The following CTNNA3 variants were observed in gnomAD, a reference collection of about 807,000 sequenced individuals.
CTNNA3 encodes the protein catenin alpha-3.
CTNNA3 carries 76 observed loss-of-function variants against 95.7 expected under a neutral mutation model. That is an observed-to-expected ratio of 0.79 (90% CI 0.66 to 0.96). The LOEUF (loss-of-function observed/expected upper bound fraction) is 0.96. Ranked by LOEUF, CTNNA3 falls within the 40% of genes least tolerant of loss-of-function variation. CTNNA3 has a pLI of 0.00. For missense variants in CTNNA3, 1,191 were observed against 1,089.8 expected (o/e 1.09, Z -1.31); for synonymous variants, 431 against 374.4 (o/e 1.15, Z -1.74).
chr10:66,355,220 C>T (rs1285688074), intron 12 of CTNNA3, among the ~76,000 whole-genome samples: 1 of 152,100 alleles, frequency 6.6e-6, no homozygotes, highest in Non-Finnish European at 1.5e-5. Flanking sequence ...TTTAAAGGTA[C>T]TCTGTGGCCT....
At chr10:66,904,202 C>T (rs1845884916) in intron 7 of CTNNA3, among the ~76,000 whole-genome samples, 1 of 152,088 alleles carries the variant, frequency 6.6e-6, no homozygotes, top group Non-Finnish European at 1.5e-5. Flanking sequence ...GAACAGAGGC[C>T]TGAGAAATAA....
chr10:66,525,104 A>C (rs575980957), intron 10 of CTNNA3, among the ~76,000 whole-genome samples: 2 of 152,078 alleles, frequency 1.3e-5, no homozygotes, highest in South Asian at 4.2e-4. Flanking sequence ...AACAGGCAAA[A>C]GCAAAGTGTG....
chr10:66,622,762 C>T (rs898650446), intron 9 of CTNNA3, among the ~76,000 whole-genome samples: 2 of 152,042 alleles, frequency 1.3e-5, no homozygotes, highest in Admixed American at 1.3e-4. Context: ...CATCCAGTTG[C>T]GGAGAAACTA....
At position 66,469,842 on chromosome 10, in the gene CTNNA3, T is replaced by C. The variant is rs149895431; in HGVS notation, c.1531+50775A>G. On this transcript the variant is annotated intron_variant, in intron 11 of 17. Transcript: ENST00000433211. ...GATGAGTTTAAAAGCAGGGTAGCACTGAATGGAGGCAGATACGAGACTTAA... is the reference window on the plus strand; with the variant it reads ...GATGAGTTTAAAAGCAGGGTAGCACCGAATGGAGGCAGATACGAGACTTAA... 3.4e-3 allele frequency among the ~76,000 whole-genome samples: 509 copies of C among 151,876 alleles called. 2 individuals carry two copies. Among genetic ancestry groups the C allele is most frequent in the Non-Finnish European group, 6.1e-3 (415 of 67,844 alleles).
chr10:65,945,508 T>C (rs1249736475), intron 17 of CTNNA3, among the ~76,000 whole-genome samples: 2 of 152,104 alleles, frequency 1.3e-5, no homozygotes, highest in Non-Finnish European at 2.9e-5. Context: ...ATGAAGATGA[T>C]TCTGGTGTAC....
chr10:66,895,054 C>CAAAAAAAAAAAAAAAAAAAAAAA (rs537843933), intron 7 of CTNNA3, among the ~76,000 whole-genome samples: 2 of 115,588 alleles, frequency 1.7e-5, no homozygotes, highest in Non-Finnish European at 3.4e-5. Flanking sequence ...AACAAATAAA[C>CAAAAAAAAAAAAAAAAAAAAAAA]AAAAAAAAAA....
chr10:66,770,284 C>T (rs4554778), intron 8 of CTNNA3, among the ~76,000 whole-genome samples: 129,405 of 152,228 alleles, frequency 0.85, 55,300 homozygotes, highest in East Asian at 1. Flanking sequence ...CTACATATAA[C>T]AGCAAAGTAG....
intron 9 of CTNNA3, among the ~76,000 whole-genome samples, chr10:66,758,039 CTTTTT>C (rs1024605795): frequency 9.2e-5 from 14 of 152,086 alleles, no homozygotes; most frequent in East Asian, 1.9e-4. Flanking sequence ...CTTTTCTTTT[CTTTTT>C]ATTATTTTTA....
chr10:66,942,398 G>C (rs1319479714), intron 7 of CTNNA3, among the ~76,000 whole-genome samples: 1 of 152,108 alleles, frequency 6.6e-6, no homozygotes, highest in Admixed American at 6.6e-5. Context: ...GTATTCTTCT[G>C]TAACAATGTT....
chr10:67,064,158 A>G (rs1473989760), intron 7 of CTNNA3, among the ~76,000 whole-genome samples: 1 of 152,168 alleles, frequency 6.6e-6, no homozygotes, highest in Non-Finnish European at 1.5e-5. Flanking sequence ...GAATATGATA[A>G]CTACTTATCT....
At chr10:66,606,268 C>A (rs960860887) in intron 10 of CTNNA3, among the ~76,000 whole-genome samples, 11 of 152,092 alleles carry the variant, frequency 7.2e-5, no homozygotes, top group African/African-American at 2.4e-4. Flanking sequence ...TCCAGATTCA[C>A]AAAAGAAAGT....
chr10:66,675,221 G>A (rs985606235), intron 9 of CTNNA3, among the ~76,000 whole-genome samples: 9 of 151,834 alleles, frequency 5.9e-5, no homozygotes, highest in African/African-American at 1.9e-4. Context: ...GATTAAACCC[G>A]ATCCATCTGC....
chr10:66,694,874 A>T (rs1847699074), intron 9 of CTNNA3, among the ~76,000 whole-genome samples: 1 of 152,124 alleles, frequency 6.6e-6, no homozygotes, highest in Non-Finnish European at 1.5e-5. Context: ...TAAATTTGGT[A>T]TTTCCTCTTG....
intron 1 of CTNNA3, among the ~76,000 whole-genome samples, chr10:67,741,726 G>C (rs916877609): frequency 5.3e-5 from 8 of 151,262 alleles, no homozygotes; most frequent in Admixed American, 2.6e-4. Flanking sequence ...TGGATAAAGA[G>C]TCAAGACCCA....
intron 12 of CTNNA3, among the ~76,000 whole-genome samples, chr10:66,315,692 AT>A (rs1404447043): frequency 6.6e-6 from 1 of 152,106 alleles, no homozygotes; most frequent in Non-Finnish European, 1.5e-5. Flanking sequence ...ATAAAAGGCA[AT>A]ATGTTAAAAA....
intron 13 of CTNNA3, among the ~76,000 whole-genome samples, chr10:66,115,558 ATAG>A (rs1216501937): frequency 2.0e-5 from 3 of 148,398 alleles, no homozygotes; most frequent in Non-Finnish European, 3.0e-5. Flanking sequence ...AGATAGATAG[ATAG>A]ATAGATAGAC....
chr10:66,241,459 A>G (rs1394730339), intron 13 of CTNNA3, among the ~76,000 whole-genome samples: 2 of 152,238 alleles, frequency 1.3e-5, no homozygotes, highest in Non-Finnish European at 2.9e-5. Flanking sequence ...AATTTCCTTC[A>G]AATGGTCTTA....
intron 7 of CTNNA3, among the ~76,000 whole-genome samples, chr10:66,850,864 A>G (rs975480099): frequency 6.6e-6 from 1 of 152,182 alleles, no homozygotes; most frequent in South Asian, 2.1e-4. Flanking sequence ...CAAATGTAGC[A>G]TGATATTTCC....
chr10:66,738,226 G>A (rs10822906), intron 9 of CTNNA3, among the ~76,000 whole-genome samples: 17,818 of 152,106 alleles, frequency 0.12, 1,427 homozygotes, highest in Middle Eastern at 0.17. Context: ...TTGCATCTTT[G>A]TTTTCTTTCC....
Sources: allele counts gnomAD v4.1 joint callset (sites outside exome capture counted in the v4.1 genomes callset), GRCh38; gene constraint gnomAD v4.1.1; transcripts MANE v1.5; gene names NCBI Gene and HGNC (gene_info 2026-07-23, HGNC 2026-07-21).